RAPGEF1: variants seen among roughly 807,000 people sequenced by gnomAD.
The protein encoded by RAPGEF1 is Rap guanine nucleotide exchange factor 1, also known as CRK SH3-binding GNRP.
RAPGEF1 carries 33 observed loss-of-function variants against 143.3 expected under a neutral mutation model. That is an observed-to-expected ratio of 0.23 (90% CI 0.17 to 0.31). The LOEUF is 0.31. Among genes scored for constraint, RAPGEF1 ranks in the 10% least tolerant of loss-of-function variants. The pLI is 1.00. For synonymous variants in RAPGEF1, 629 were observed against 676.5 expected, an observed-to-expected ratio of 0.93 and a Z score of 1.09; for missense variants, 1,199 against 1,645.4, an observed-to-expected ratio of 0.73 and a Z score of 4.69.
At chr9:131,696,345 A>G (rs1834178316) in intron 1 of RAPGEF1, among the ~76,000 whole-genome samples, 1 of 152,222 alleles carries the variant, frequency 6.6e-6, no homozygotes, top group African/African-American at 2.4e-5. Context: ...GCCCAGAGCT[A>G]ACAAAAGGTT....
intron 1 of RAPGEF1, among the ~76,000 whole-genome samples, chr9:131,703,031 A>G (rs1834777700): frequency 6.6e-6 from 1 of 152,194 alleles, no homozygotes. Flanking sequence ...TCATTCACTC[A>G]TTCATTCATT....
At chr9:131,732,844 A>G (rs1256190270) in intron 1 of RAPGEF1, among the ~76,000 whole-genome samples, 1 of 152,250 alleles carries the variant, frequency 6.6e-6, no homozygotes, top group Non-Finnish European at 1.5e-5. Context: ...CCGTAATGGC[A>G]CCGCAGTGGT....
At chr9:131,713,887 A>C (rs1835679014) in intron 1 of RAPGEF1, among the ~76,000 whole-genome samples, 1 of 152,178 alleles carries the variant, frequency 6.6e-6, no homozygotes, top group Non-Finnish European at 1.5e-5. Context: ...ATTACCTATA[A>C]ATCTCCAAGC....
chr9:131,595,468 G>A lies in RAPGEF1; in HGVS notation c.2689+830C>T, dbSNP rs537143154. Among the ~76,000 whole-genome samples the A allele has an allele frequency of 7.2e-5, 11 of 152,338 alleles. No homozygotes were observed. In the East Asian group the frequency reaches 2.1e-3, roughly 29 times the overall value. On this transcript the variant is annotated intron_variant, in intron 17 of 26. Transcript: ENST00000683357. ...TCCCTTACAGAAATGAAACGGGTTG[G>A]GCTAGGATTTCAAGGTGGGGGTGTT...
chr9:131,634,704 A>C (rs1965837234), intron 5 of RAPGEF1, among the ~76,000 whole-genome samples: 1 of 104,424 alleles, frequency 9.6e-6, no homozygotes, highest in Admixed American at 1.3e-4. Context: ...CAAGAGTGAG[A>C]CTCCGTCTCA....
chr9:131,679,273 GC>G (rs1409685071), intron 1 of RAPGEF1, among the ~76,000 whole-genome samples: 3 of 152,228 alleles, frequency 2.0e-5, no homozygotes, highest in Admixed American at 6.5e-5. Context: ...TAAGGGGCCA[GC>G]CCCTGTCCTC....
At chr9:131,595,211 C>T (rs112946283) in intron 17 of RAPGEF1, among the ~76,000 whole-genome samples, 34 of 152,370 alleles carry the variant, frequency 2.2e-4, no homozygotes, top group African/African-American at 7.0e-4. Context: ...GGCTAGGATG[C>T]AGCATCGCCA....
Position 131,604,020 on chromosome 9 carries a change from C to T in RAPGEF1, c.2353G>A (p.Glu785Lys), listed in dbSNP as rs187581993. 8.9e-5 allele frequency: 119 copies of T among 1,340,112 alleles called. 3 individuals carry two copies. The African/African-American group carries it at 1.4e-3, about 16-fold the overall frequency. The allele number at this position is 1,340,112 out of a possible 1,614,324, so 83.0% of individuals were successfully genotyped here. A position where few individuals can be genotyped will look rare whatever the true frequency, so the allele number is the denominator to read the frequency against. The change falls in exon 14 of 27, where the codon GAA becomes AAA. Residue 785 changes from glutamate to lysine, a missense_variant. Physicochemically the swap from Glu to Lys is moderately conservative, Grantham distance 56. Coordinates refer to ENST00000683357, the MANE Select transcript of RAPGEF1 (RefSeq NM_001377935.1). ...ENASEEAGEG[E>K]YVNLYSSGQS... is the part of the protein sequence containing the mutation. ...CCAGAGGAATACAGATTGACATATT[C>T]ACCCTCACCAGCTTCCTCACTGGCG...
intron 5 of RAPGEF1, among the ~76,000 whole-genome samples, chr9:131,630,809 A>T (rs1197458462): frequency 6.6e-6 from 1 of 152,146 alleles, no homozygotes; most frequent in Non-Finnish European, 1.5e-5. Flanking sequence ...GATCCTTGTC[A>T]ATGGAGAGGG....
At chr9:131,710,321 A>T (rs1386460284) in intron 1 of RAPGEF1, among the ~76,000 whole-genome samples, 2 of 152,190 alleles carry the variant, frequency 1.3e-5, no homozygotes, top group Non-Finnish European at 2.9e-5. Flanking sequence ...CAAAGAAGAA[A>T]ACACCTTGGG....
In RAPGEF1 at chr9:131,582,722, C is replaced by T. The variant is rs3765545; in HGVS notation, c.3415-20G>A. On this transcript the variant is annotated intron_variant, in intron 24 of 26. Coordinates refer to ENST00000683357, the MANE Select transcript of RAPGEF1 (RefSeq NM_001377935.1). ...CAGGCCCTGGCAGGACAGGACAGGA[C>T]AGGACCGGACAGGGGTGAGCGAGTG... is the stretch of plus-strand genomic sequence containing the variant. 2 of 1,552,056 alleles carry T rather than the reference C, an allele frequency of 1.3e-6. No homozygotes were observed. The highest frequency in any genetic ancestry group is 1.7e-6 in the Non-Finnish European group (2 of 1,152,518).
In RAPGEF1 at chr9:131,583,718, T is replaced by G. The variant is rs1484253042; in HGVS notation, c.3414+593A>C. Among the ~76,000 whole-genome samples, 1 of 152,196 alleles carries G rather than the reference T, an allele frequency of 6.6e-6. No homozygotes were observed. Among genetic ancestry groups the G allele is most frequent in the African/African-American group, 2.4e-5 (1 of 41,442 alleles). ...CTCTCATGACCTAGAACTGGTCCCC[T>G]TCTCCCGGGATGTGGTCCCCTGGCC... On this transcript the variant is annotated intron_variant, in intron 24 of 26. Coordinates refer to ENST00000683357, the MANE Select transcript of RAPGEF1 (RefSeq NM_001377935.1). This position sits in a 1 kb window ranked among gnomAD's most constrained non-coding sequence, Gnocchi z 4.7.
At chr9:131,604,890 G>GTT in intron 13 of RAPGEF1, 41 bp downstream of exon 13, 1 of 1,081,034 alleles carries the variant, frequency 9.3e-7, no homozygotes, top group Non-Finnish European at 1.2e-6. Flanking sequence ...GCAGGGGTGT[G>GTT]TGTGTGTGTG....
At chr9:131,701,071 T>A (rs1300881697) in intron 1 of RAPGEF1, among the ~76,000 whole-genome samples, 1 of 152,048 alleles carries the variant, frequency 6.6e-6, no homozygotes, top group African/African-American at 2.4e-5. Context: ...AAAAGTGACA[T>A]CTGAAATCAA....
intron 17 of RAPGEF1, among the ~76,000 whole-genome samples, chr9:131,595,934 A>T (rs1055041056): frequency 6.6e-6 from 1 of 152,216 alleles, no homozygotes; most frequent in African/African-American, 2.4e-5. Flanking sequence ...GTGACTCAGC[A>T]GTCAGGAAAG....
In RAPGEF1 at chr9:131,632,441, TA is replaced by T. The variant is rs568726902; in HGVS notation, c.652-2118del. Reference sequence around the variant, plus strand: ...CGCGCCCGGCCAAGACTCTGTCTCTTAAAAAAAGAATCCTGTCCAAGAAAAA... The same window carrying T: ...CGCGCCCGGCCAAGACTCTGTCTCTTAAAAAAGAATCCTGTCCAAGAAAAA... On this transcript the variant is annotated intron_variant, in intron 5 of 26. Transcript: ENST00000683357. Among the ~76,000 whole-genome samples the T allele has an allele frequency of 2.0e-5, 3 of 151,954 alleles. No individual in the cohort carries two copies. In the East Asian group the frequency reaches 5.8e-4, roughly 29 times the overall value.
chr9:131,621,776 C>T lies in RAPGEF1; in HGVS notation c.1905+20G>A, dbSNP rs1392271501. 6.3e-7 allele frequency: 1 copy of T among 1,587,706 alleles called. No homozygotes were observed. The highest frequency in any genetic ancestry group is 8.6e-7 in the Non-Finnish European group (1 of 1,167,846). ...CTGCTAGGATCGGAAGTTCTAGTCA[C>T]AAGGGAAGGTGTCACTCACCAGCTG... On this transcript the variant is annotated intron_variant, in intron 11 of 26. Transcript: ENST00000683357. This position sits in a 1 kb window ranked among gnomAD's most constrained non-coding sequence, Gnocchi z 4.5.
intron 12 of RAPGEF1, among the ~76,000 whole-genome samples, chr9:131,615,362 C>CCG (rs1451777667): frequency 6.6e-6 from 1 of 152,160 alleles, no homozygotes; most frequent in Non-Finnish European, 1.5e-5. Flanking sequence ...GCGTGAGCCA[C>CCG]TGCACCCAGC....
intron 1 of RAPGEF1, among the ~76,000 whole-genome samples, chr9:131,729,113 G>C (rs1300275992): frequency 6.6e-6 from 1 of 152,208 alleles, no homozygotes; most frequent in Admixed American, 6.5e-5. Flanking sequence ...GAGGGGCACT[G>C]ATCCAGTGCA....
Sources: gnomAD v4.1 joint callset for allele counts (sites outside exome capture counted in the v4.1 genomes callset) on GRCh38, gnomAD v4.1.1 for gene constraint, Gnocchi (gnomAD v3.1) non-coding constraint, MANE v1.5 for transcripts, NCBI Gene and HGNC (gene_info 2026-07-23, HGNC 2026-07-21) for gene names.